The following CFAP58 variants were observed in gnomAD, a reference collection of about 807,000 sequenced individuals.
CFAP58 encodes the protein cilia and flagella associated protein 58.
CFAP58 carries 88 observed loss-of-function variants against 119.5 expected under a neutral mutation model. That is an observed-to-expected ratio of 0.74 (90% confidence interval 0.62 to 0.88). CFAP58 has a LOEUF of 0.88. CFAP58 is among the 40% of genes least tolerant of loss of function. CFAP58 has a pLI of 0.00. For synonymous variants in CFAP58, 365 were observed against 366.3 expected, an observed-to-expected ratio of 1.00 and a Z score of 0.04; for missense variants, 990 against 1,021.2, an observed-to-expected ratio of 0.97 and a Z score of 0.42.
At chr10:104,387,339 C>T (rs763583096) in intron 9 of CFAP58, among the ~76,000 whole-genome samples, 6 of 152,178 alleles carry the variant, frequency 3.9e-5, no homozygotes, top group African/African-American at 1.2e-4. Flanking sequence ...TTATCCTCCA[C>T]GTGCATGTTC....
At chr10:104,443,643 A>G (rs1444695868) in intron 15 of CFAP58, among the ~76,000 whole-genome samples, 1 of 152,224 alleles carries the variant, frequency 6.6e-6, no homozygotes, top group Non-Finnish European at 1.5e-5. Flanking sequence ...AATGTGAACT[A>G]CCTTCTGTTT....
chr10:104,451,815 G>C lies in CFAP58; in HGVS notation c.2510+1611G>C, dbSNP rs114124468. Among the ~76,000 whole-genome samples, 1,000 of 152,144 alleles carry C rather than the reference G, an allele frequency of 6.6e-3. 14 individuals are homozygous for C. The highest frequency in any genetic ancestry group is 0.023 in the African/African-American group (945 of 41,490). On this transcript the variant is annotated intron_variant, in intron 17 of 17. Coordinates refer to ENST00000369704, the MANE Select transcript of CFAP58 (RefSeq NM_001008723.2). ...CAGTGGCACCATCTTGGCTCACTCT[G>C]TCTCCGGGGTTGAAGCCATTCTCAT...
intron 14 of CFAP58, among the ~76,000 whole-genome samples, chr10:104,404,589 A>T (rs898300616): frequency 1.3e-5 from 2 of 152,160 alleles, no homozygotes; most frequent in Admixed American, 6.5e-5. Context: ...AAAGAAAATC[A>T]GCCAGGGAGA....
At chr10:104,391,840 A>G (rs1163022033) in intron 9 of CFAP58, among the ~76,000 whole-genome samples, 2 of 152,226 alleles carry the variant, frequency 1.3e-5, no homozygotes, top group Non-Finnish European at 2.9e-5. Context: ...AGTGTGGCCA[A>G]ACAGCTAGGT....
At chr10:104,414,892 T>G (rs1035638772) in intron 15 of CFAP58, among the ~76,000 whole-genome samples, 1 of 152,174 alleles carries the variant, frequency 6.6e-6, no homozygotes, top group African/African-American at 2.4e-5. Context: ...TTTTATAAAC[T>G]CTTCGAAAAC....
intron 15 of CFAP58, among the ~76,000 whole-genome samples, chr10:104,422,955 G>A (rs781718236): frequency 4.6e-5 from 7 of 152,186 alleles, no homozygotes; most frequent in African/African-American, 1.7e-4. Flanking sequence ...TCATCAAGTG[G>A]TACAAGATTT....
At chr10:104,387,654 A>C (rs1227306439) in intron 9 of CFAP58, among the ~76,000 whole-genome samples, 1 of 152,184 alleles carries the variant, frequency 6.6e-6, no homozygotes, top group Non-Finnish European at 1.5e-5. Context: ...GAGAAATGGC[A>C]TGGTAAGTTG....
At chr10:104,368,262 G>A (rs983109236) in intron 5 of CFAP58, among the ~76,000 whole-genome samples, 161 bp from the exon 6 acceptor site, 1 of 152,220 alleles carries the variant, frequency 6.6e-6, no homozygotes, top group Non-Finnish European at 1.5e-5. Flanking sequence ...TCATATTTGA[G>A]TGCGTTAGTG....
At chr10:104,432,453 A>G (rs2012863985) in intron 15 of CFAP58, among the ~76,000 whole-genome samples, 1 of 152,250 alleles carries the variant, frequency 6.6e-6, no homozygotes, top group Non-Finnish European at 1.5e-5. Flanking sequence ...TCAGACCAGC[A>G]AAGACAAGAA....
chr10:104,400,976 T>C, intron 13 of CFAP58, 73 bp downstream of exon 13: 2 of 1,029,538 alleles, frequency 1.9e-6, no homozygotes, highest in Non-Finnish European at 2.9e-6. Flanking sequence ...TTCGTAGTCA[T>C]GCTTGTTGCT....
At chr10:104,387,864 A>G (rs1389569037) in intron 9 of CFAP58, among the ~76,000 whole-genome samples, 5 of 152,236 alleles carry the variant, frequency 3.3e-5, no homozygotes, top group Non-Finnish European at 5.9e-5. Context: ...TTCTTTTGCA[A>G]CAAATCCCTA....
chr10:104,439,442 A>G (rs2012997740), intron 15 of CFAP58, among the ~76,000 whole-genome samples: 1 of 152,198 alleles, frequency 6.6e-6, no homozygotes, highest in East Asian at 1.9e-4. Context: ...TGTTCTAATA[A>G]GTAGCACATT....
chr10:104,361,546 T>C (rs1354667485), intron 2 of CFAP58, among the ~76,000 whole-genome samples: 1 of 152,240 alleles, frequency 6.6e-6, no homozygotes, highest in Non-Finnish European at 1.5e-5. Context: ...GTGATAAAAC[T>C]TATTTTTTTC....
intron 4 of CFAP58, 131 bp from the exon 5 acceptor site, chr10:104,365,683 T>C: frequency 2.9e-6 from 2 of 692,184 alleles, no homozygotes; most frequent in Non-Finnish European, 4.8e-6. Flanking sequence ...ATGTCTGCCC[T>C]ATAGGGGAAA....
At chr10:104,393,570 C>G in intron 11 of CFAP58, 95 bp downstream of exon 11, 1 of 1,197,738 alleles carries the variant, frequency 8.3e-7, no homozygotes, top group Non-Finnish European at 1.2e-6. Flanking sequence ...GCAGGGAGAA[C>G]AACCACGCCT....
At chr10:104,387,359 G>T (rs991674201) in intron 9 of CFAP58, among the ~76,000 whole-genome samples, 3 of 152,106 alleles carry the variant, frequency 2.0e-5, no homozygotes, top group African/African-American at 7.2e-5. Context: ...CTTCTCATGG[G>T]GGAAGGAAGG....
upstream of CFAP58, among the ~76,000 whole-genome samples, chr10:104,352,432 T>A (rs2014471113): frequency 6.6e-6 from 1 of 152,218 alleles, no homozygotes; most frequent in South Asian, 2.1e-4. Flanking sequence ...TACAGCCTTC[T>A]AGGTTCATGA....
intron 14 of CFAP58, among the ~76,000 whole-genome samples, chr10:104,406,419 T>C (rs754408239): frequency 5.9e-5 from 9 of 152,324 alleles, no homozygotes; most frequent in Non-Finnish European, 1.0e-4. Flanking sequence ...ATTATTGTTA[T>C]TACCACTGGT....
intron 3 of CFAP58, among the ~76,000 whole-genome samples, chr10:104,363,870 C>G (rs2014704769): frequency 6.6e-6 from 1 of 152,250 alleles, no homozygotes. Context: ...CTTCTCAGCT[C>G]CAAGAGCTGC....
Sources: gnomAD v4.1 joint callset for allele counts (sites outside exome capture counted in the v4.1 genomes callset) on GRCh38, gnomAD v4.1.1 for gene constraint, MANE v1.5 for transcripts, NCBI Gene and HGNC (gene_info 2026-07-23, HGNC 2026-07-21) for gene names.